SASH1: variants seen among roughly 807,000 people sequenced by gnomAD.
SASH1 encodes the protein SAM and SH3 domain-containing protein 1.
SASH1 carries 44 observed loss-of-function variants against 125.2 expected under a neutral mutation model. The observed-to-expected ratio is 0.35, with a 90% confidence interval of 0.28 to 0.45. The LOEUF (loss-of-function observed/expected upper bound fraction) is 0.45. SASH1 is among the 20% of genes least tolerant of loss of function. SASH1 has a pLI of 1.00. For missense variants in SASH1, 1,426 were observed against 1,614.5 expected, an observed-to-expected ratio of 0.88 and a Z score of 2.00; for synonymous variants, 639 against 649.1, an observed-to-expected ratio of 0.98 and a Z score of 0.24.
chr6:148,264,263 T>C, the SASH1 span, among the ~76,000 whole-genome samples: 3 of 151,210 alleles, frequency 2.0e-5, no homozygotes, highest in Non-Finnish European at 3.0e-5. Context: ...TATATCTATA[T>C]CTCTGTCCCA....
intron 10 of SASH1, among the ~76,000 whole-genome samples, chr6:148,523,802 A>G (rs1562481754): frequency 6.6e-6 from 1 of 152,246 alleles, no homozygotes; most frequent in African/African-American, 2.4e-5. Flanking sequence ...CAACTTCAGT[A>G]TAACAGCTGT....
At chr6:148,303,848 A>C (rs1466780391) in intron 1 of SASH1, among the ~76,000 whole-genome samples, 1 of 151,906 alleles carries the variant, frequency 6.6e-6, no homozygotes, top group Non-Finnish European at 1.5e-5. Context: ...ACTCCTAAAT[A>C]GTCAGTGGAT....
intron 2 of SASH1, among the ~76,000 whole-genome samples, chr6:148,407,539 G>A (rs79368254): frequency 0.012 from 1,826 of 152,282 alleles, 35 homozygotes; most frequent in African/African-American, 0.041. Context: ...ATGAACATGA[G>A]TGTACAAATA....
intron 8 of SASH1, among the ~76,000 whole-genome samples, chr6:148,505,302 G>C (rs546263948): frequency 2.6e-5 from 4 of 152,162 alleles, no homozygotes; most frequent in Non-Finnish European, 5.9e-5. Context: ...CACGTAAAAA[G>C]GTTGTTGGTT....
rs766754801 is a variant in SASH1 at position 148,519,631 on chromosome 6, T to C, written c.947T>C (p.Phe316Ser). 3.1e-6 allele frequency: 5 copies of C among 1,613,996 alleles called. No individual in the cohort carries two copies. In the African/African-American group the frequency reaches 6.7e-5, roughly 22 times the overall value. The change falls in exon 10 of 20, where the codon TTC (phenylalanine) becomes TCC (serine). Residue 316 changes from phenylalanine to serine, a missense_variant. This residue lies in a region of SASH1 where 567 missense variants were observed against 575.6 expected (regional missense o/e 0.99). Coordinates refer to ENST00000367467, the MANE Select transcript of SASH1 (RefSeq NM_015278.5). The surrounding 1 kb of genome is among the most constrained non-coding windows in gnomAD (Gnocchi z 4.8). The part of the protein sequence containing the change: ...LYSGVHKKPL[F>S]FDGSPEKPPE... ...TCTGGCGTGCACAAGAAGCCCCTTT[T>C]CTTTGATGGCTCTCCTGAGAAACCT... is the stretch of plus-strand genomic sequence containing the variant.
intron 1 of SASH1, among the ~76,000 whole-genome samples, chr6:148,359,262 G>A (rs1562349051): frequency 6.6e-6 from 1 of 150,830 alleles, no homozygotes; most frequent in Non-Finnish European, 1.5e-5. Context: ...GGGCTCAAGT[G>A]ATTCTCCTGC....
chr6:148,241,138 C>G, the SASH1 span, among the ~76,000 whole-genome samples: 1 of 152,144 alleles, frequency 6.6e-6, no homozygotes, highest in Non-Finnish European at 1.5e-5. Context: ...ATTCTAGGTA[C>G]TCATTGAAAT....
the SASH1 span, among the ~76,000 whole-genome samples, chr6:148,262,027 C>T: frequency 3.7e-4 from 57 of 152,012 alleles, 1 homozygote; most frequent in Non-Finnish European, 2.5e-4. Flanking sequence ...TTCATGTTTT[C>T]CCCCAGCTTC....
In SASH1 at chr6:148,544,342, G is replaced by A. The variant is rs751020609; in HGVS notation, c.2872G>A (p.Glu958Lys). The change falls in exon 18 of 20, where the codon GAA becomes AAA. Residue 958 changes from glutamate (E) to lysine (K), a missense_variant. This residue lies in a region of SASH1 where 634 missense variants were observed against 694.4 expected (regional missense o/e 0.91). Transcript: ENST00000367467. The surrounding 1 kb of genome is among the most constrained non-coding windows in gnomAD (Gnocchi z 6.4). Reference protein sequence around the residue: ...LEGHRKGHEFEGTHHPLGTKE... With the variant: ...LEGHRKGHEFKGTHHPLGTKE... ...GGGCCACAGAAAAGGACACGAGTTT[G>A]AAGGAACACACCATCCCCTGGGCAC... 5 of 1,614,142 alleles carry A rather than the reference G, an allele frequency of 3.1e-6. No homozygotes were observed. Among genetic ancestry groups the A allele is most frequent in the Admixed American group, 1.7e-5 (1 of 60,024 alleles).
chr6:148,376,675 C>T (rs1189466501), intron 1 of SASH1, among the ~76,000 whole-genome samples: 1 of 151,762 alleles, frequency 6.6e-6, no homozygotes, highest in Non-Finnish European at 1.5e-5. Flanking sequence ...CCACCTTGGG[C>T]AACATGGTGA....
chr6:148,525,680 TTTTCTTCTTGCTAGTTGCAAGCATG>T (rs1360152804), intron 11 of SASH1, among the ~76,000 whole-genome samples: 3 of 152,160 alleles, frequency 2.0e-5, no homozygotes, highest in Non-Finnish European at 2.9e-5. Flanking sequence ...GCACACGGCC[TTTTCTTCTTGCTAGTTGCAAGCATG>T]TAACTACTAC....
the SASH1 span, among the ~76,000 whole-genome samples, chr6:148,241,044 T>C: frequency 6.6e-6 from 1 of 152,308 alleles, no homozygotes; most frequent in South Asian, 2.1e-4. Context: ...CACAGACCTA[T>C]TTTTGGCAAG....
intron 6 of SASH1, among the ~76,000 whole-genome samples, chr6:148,473,436 T>A (rs1210261743): frequency 6.6e-6 from 1 of 152,082 alleles, no homozygotes; most frequent in African/African-American, 2.4e-5. Context: ...GTATTTTTAG[T>A]GGAGATGGGG....
chr6:148,294,440 CT>C, intron 1 of SASH1, among the ~76,000 whole-genome samples: 1 of 152,140 alleles, frequency 6.6e-6, no homozygotes, highest in Middle Eastern at 3.2e-3. Flanking sequence ...GGTATAGATC[CT>C]TCCTCACCAG....
chr6:148,546,884 TA>T (rs576383889), intron 19 of SASH1, among the ~76,000 whole-genome samples: 127 of 145,672 alleles, frequency 8.7e-4, no homozygotes, highest in Middle Eastern at 7.0e-3. Flanking sequence ...CCCTGTTACT[TA>T]AAAAAAAAAA....
intron 16 of SASH1, among the ~76,000 whole-genome samples, chr6:148,536,813 G>A (rs1296232671): frequency 6.6e-6 from 1 of 152,178 alleles, no homozygotes; most frequent in African/African-American, 2.4e-5. Context: ...TTGTACCAAG[G>A]AGCATTTTGT....
At chr6:148,386,962 T>G (rs1026411945) in intron 1 of SASH1, among the ~76,000 whole-genome samples, 1 of 152,104 alleles carries the variant, frequency 6.6e-6, no homozygotes, top group African/African-American at 2.4e-5. Flanking sequence ...GAGGATGCCC[T>G]GGTGCTGAAG....
chr6:148,375,847 A>G (rs1782870933), intron 1 of SASH1, among the ~76,000 whole-genome samples: 1 of 152,172 alleles, frequency 6.6e-6, no homozygotes, highest in Non-Finnish European at 1.5e-5. Flanking sequence ...GAGTTCCCCT[A>G]TACCTGACAT....
intron 1 of SASH1, among the ~76,000 whole-genome samples, chr6:148,294,360 A>C (rs138582054): frequency 2.6e-5 from 4 of 152,262 alleles, no homozygotes; most frequent in African/African-American, 7.2e-5. Context: ...GAGTGGTACA[A>C]ATCCTGGACC....
Sources: allele counts gnomAD v4.1 joint callset (sites outside exome capture counted in the v4.1 genomes callset), GRCh38; gene constraint gnomAD v4.1.1; regional missense constraint gnomAD v4.1.1; non-coding constraint Gnocchi (gnomAD v3.1); transcripts MANE v1.5; gene names NCBI Gene and HGNC (gene_info 2026-07-23, HGNC 2026-07-21).